Variants in FBXO11 observed in about 807,000 individuals in gnomAD.
FBXO11 encodes F-box only protein 11.
Under a neutral mutation model 117.0 loss-of-function variants are expected in FBXO11, and 13 were observed. The ratio of observed to expected loss-of-function variants is 0.11; its 90% CI spans 0.07 to 0.18. The LOEUF is 0.18. Ranked by LOEUF, FBXO11 falls within the 10% of genes least tolerant of loss-of-function variation. The pLI is 1.00. For synonymous variants in FBXO11, 490 were observed against 380.5 expected (o/e 1.29, Z -3.35); for missense variants, 767 against 1,164.4 (o/e 0.66, Z 4.97).
In FBXO11 at chr2:47,819,036, T is replaced by C; in HGVS notation, c.1840A>G (p.Ser614Gly). ...QGVIEENEVY[S>G]NTLAGVWVTT... ...ACCCAGACTCCAGCTAGAGTGTTAC[T>C]ATAAACTTCATTCTCTTCTATTACT... The change falls in exon 15 of 23, where the codon AGT (serine) becomes GGT (glycine). Residue 614 changes from serine to glycine, a missense_variant. Ser to Gly is a moderately conservative substitution (Grantham distance 56, BLOSUM62 0). Transcript: ENST00000403359. 1 of 1,613,984 alleles carries C rather than the reference T, an allele frequency of 6.2e-7. No homozygotes were observed. Among genetic ancestry groups the C allele is most frequent in the Non-Finnish European group, 8.5e-7 (1 of 1,179,866 alleles).
At chr2:47,858,073 G>A (rs980948664) in intron 1 of FBXO11, among the ~76,000 whole-genome samples, 2 of 151,930 alleles carry the variant, frequency 1.3e-5, no homozygotes, top group African/African-American at 4.8e-5. Context: ...ATAAAAGAGC[G>A]TAAACTAGAA....
chr2:47,824,070 G>T (rs1020834528), intron 11 of FBXO11, among the ~76,000 whole-genome samples: 2 of 152,122 alleles, frequency 1.3e-5, no homozygotes, highest in African/African-American at 4.8e-5. Flanking sequence ...ACATTCAAAG[G>T]CATGAAGGAA....
chr2:47,852,573 C>A (rs1280491285), intron 1 of FBXO11, among the ~76,000 whole-genome samples: 2 of 152,128 alleles, frequency 1.3e-5, no homozygotes, highest in Non-Finnish European at 2.9e-5. Flanking sequence ...AGTCAATGGA[C>A]TCTAGATATG....
intron 1 of FBXO11, among the ~76,000 whole-genome samples, chr2:47,852,096 C>A (rs1375805280): frequency 6.6e-6 from 1 of 151,326 alleles, no homozygotes; most frequent in Non-Finnish European, 1.5e-5. Flanking sequence ...TTCAAGCAAT[C>A]CTCCTGCCTC....
intron 1 of FBXO11, among the ~76,000 whole-genome samples, chr2:47,858,191 T>C (rs1158326583): frequency 3.3e-5 from 5 of 151,890 alleles, no homozygotes; most frequent in Non-Finnish European, 7.4e-5. Flanking sequence ...CTGCAACCTC[T>C]GTCTCCCAAG....
chr2:47,900,743 T>C lies in FBXO11; in HGVS notation c.232+4746A>G, dbSNP rs566977490. Reference sequence around the variant, plus strand: ...ACGTATACACACACGTGTATATATATACACGTATACACACACGTGTATATA... The same window carrying C: ...ACGTATACACACACGTGTATATATACACACGTATACACACACGTGTATATA... On this transcript the variant is annotated intron_variant, in intron 1 of 22. Transcript: ENST00000403359. 6.8e-3 allele frequency among the ~76,000 whole-genome samples: 579 copies of C among 85,104 alleles called. 56 individuals carry two copies. Among genetic ancestry groups the C allele is most frequent in the Middle Eastern group, 0.012 (2 of 164 alleles). 55.8% of individuals were successfully genotyped at this position (85,104 alleles called of 152,430 possible). A position where few individuals can be genotyped will look rare whatever the true frequency, so the allele number is the denominator to read the frequency against.
intron 1 of FBXO11, among the ~76,000 whole-genome samples, chr2:47,890,220 T>A (rs1242367523): frequency 6.6e-6 from 1 of 152,160 alleles, no homozygotes; most frequent in Non-Finnish European, 1.5e-5. Flanking sequence ...TCTCACCTCA[T>A]CCTTCCAAAA....
intron 1 of FBXO11, among the ~76,000 whole-genome samples, chr2:47,904,581 AACACAC>A (rs112758707): frequency 0.15 from 22,278 of 147,438 alleles, 2,147 homozygotes; most frequent in East Asian, 0.47. Flanking sequence ...CGCGCGCGCA[AACACAC>A]ACACACACAC....
At chr2:47,828,199 T>C (rs1351242778) in intron 11 of FBXO11, among the ~76,000 whole-genome samples, 1 of 152,140 alleles carries the variant, frequency 6.6e-6, no homozygotes, top group East Asian at 1.9e-4. Context: ...CAGGTTGATC[T>C]TGAACTCCTG....
At chr2:47,854,871 T>C (rs1017207487) in intron 1 of FBXO11, among the ~76,000 whole-genome samples, 1 of 151,904 alleles carries the variant, frequency 6.6e-6, no homozygotes, top group African/African-American at 2.4e-5. Context: ...TTGTTTTTTT[T>C]TTTAGTGGAA....
At chr2:47,817,952 A>C (rs1196405280) in intron 16 of FBXO11, among the ~76,000 whole-genome samples, 1 of 152,210 alleles carries the variant, frequency 6.6e-6, no homozygotes. Context: ...GTTTGAGACC[A>C]GCCTGACCAA....
Position 47,809,777 on chromosome 2 carries a change from G to T in FBXO11, c.2339-70C>A, listed in dbSNP as rs1439235813. 9 of 983,874 alleles carry T rather than the reference G, an allele frequency of 9.1e-6. No individual in the cohort carries two copies. In the African/African-American group the frequency reaches 1.5e-4, roughly 16 times the overall value. The allele number at this position is 983,874 out of a possible 1,614,324, so 60.9% of individuals were successfully genotyped here. Reference sequence around the variant, plus strand: ...CTTCTTAAAAACCTGAAATTAGCAAGCAAATGTAAACTGCTTCTTTTATAG... The same window carrying T: ...CTTCTTAAAAACCTGAAATTAGCAATCAAATGTAAACTGCTTCTTTTATAG... On this transcript the variant is annotated intron_variant, in intron 19 of 22. Transcript: ENST00000403359.
chr2:47,875,339 A>C (rs1675920826), intron 1 of FBXO11, among the ~76,000 whole-genome samples: 1 of 152,138 alleles, frequency 6.6e-6, no homozygotes, highest in Non-Finnish European at 1.5e-5. Context: ...AGTGCTATTT[A>C]TCTTCGCGTT....
chr2:47,810,655 T>C (rs1670547146), intron 18 of FBXO11: 1 of 413,360 alleles, frequency 2.4e-6, no homozygotes, highest in Non-Finnish European at 4.3e-6. Context: ...GCCATCTCCA[T>C]GATAGCAGGG....
chr2:47,888,045 T>G (rs1158240247), intron 1 of FBXO11, among the ~76,000 whole-genome samples: 2 of 151,448 alleles, frequency 1.3e-5, no homozygotes, highest in South Asian at 2.1e-4. Context: ...AAATGAAAGA[T>G]ATATATATAT....
chr2:47,860,351 AAAC>A, intron 1 of FBXO11, among the ~76,000 whole-genome samples: 1 of 152,284 alleles, frequency 6.6e-6, no homozygotes, highest in Admixed American at 6.5e-5. Context: ...TAATAAATTT[AAAC>A]AACAATTATG....
intron 1 of FBXO11, among the ~76,000 whole-genome samples, chr2:47,873,804 T>C (rs1165888388): frequency 6.6e-6 from 1 of 152,240 alleles, no homozygotes; most frequent in Non-Finnish European, 1.5e-5. Flanking sequence ...ATGATTTCAA[T>C]TAAAAACAAA....
chr2:47,895,695 G>C (rs535425178), intron 1 of FBXO11, among the ~76,000 whole-genome samples: 90 of 151,986 alleles, frequency 5.9e-4, no homozygotes, highest in Non-Finnish European at 1.1e-3. Flanking sequence ...TATAGTTTAT[G>C]TTGTTGTTTT....
intron 1 of FBXO11, among the ~76,000 whole-genome samples, chr2:47,847,202 G>A (rs138636847): frequency 1.7e-4 from 26 of 152,220 alleles, no homozygotes; most frequent in African/African-American, 6.0e-4. Flanking sequence ...CCGACATTGT[G>A]CAACTGCACT....
Sources: allele counts gnomAD v4.1 joint callset (sites outside exome capture counted in the v4.1 genomes callset), GRCh38; gene constraint gnomAD v4.1.1; transcripts MANE v1.5; gene names NCBI Gene and HGNC (gene_info 2026-07-23, HGNC 2026-07-21).